Variants in FSTL5 observed in about 807,000 individuals in gnomAD.
FSTL5 encodes follistatin-related protein 5.
FSTL5 carries 62 observed loss-of-function variants against 89.1 expected under a neutral mutation model. The ratio of observed to expected loss-of-function variants is 0.70; its 90% CI spans 0.57 to 0.86. FSTL5 has a LOEUF of 0.86. Among genes scored for constraint, FSTL5 ranks in the 40% least tolerant of loss-of-function variants. The pLI, the probability that FSTL5 is intolerant of heterozygous loss-of-function variation, is 0.00. For missense variants in FSTL5, 1,057 were observed against 1,001.6 expected, an observed-to-expected ratio of 1.06 and a Z score of -0.75; for synonymous variants, 383 against 346.2, an observed-to-expected ratio of 1.11 and a Z score of -1.18.
chr4:161,926,890 A>C (rs1032256008), intron 3 of FSTL5, among the ~76,000 whole-genome samples: 77 of 152,008 alleles, frequency 5.1e-4, no homozygotes, highest in African/African-American at 1.7e-3. Context: ...TAGAAGCCAA[A>C]GAAATTTCAC....
intron 8 of FSTL5, among the ~76,000 whole-genome samples, chr4:161,570,142 A>G (rs1253417666): frequency 1.3e-5 from 2 of 152,292 alleles, no homozygotes; most frequent in East Asian, 3.9e-4. Context: ...ATTTTAGGCT[A>G]TGTGCAGTTT....
chr4:161,798,177 T>C (rs750251344), intron 4 of FSTL5, among the ~76,000 whole-genome samples: 1 of 151,740 alleles, frequency 6.6e-6, no homozygotes, highest in Non-Finnish European at 1.5e-5. Context: ...ATTTAAGAAA[T>C]GGTAGAGCTA....
In FSTL5 at chr4:161,513,272, G is replaced by GGAGAGA. The variant is rs6148753; in HGVS notation, c.1313-2854_1313-2849dup. On this transcript the variant is annotated intron_variant, in intron 10 of 15. Transcript: ENST00000306100. ...ACTGAACTGAACCAAACAAGGAGGGGGAGAGAGAGAGAGAGAGAGAGAGAG... is the reference window on the plus strand; with the variant it reads ...ACTGAACTGAACCAAACAAGGAGGGGGAGAGAGAGAGAGAGAGAGAGAGAGAGAGAG... 3.7e-3 allele frequency among the ~76,000 whole-genome samples: 411 copies of GGAGAGA among 110,012 alleles called. 22 individuals are homozygous for GGAGAGA. Among genetic ancestry groups the GGAGAGA allele is most frequent in the Middle Eastern group, 0.011 (2 of 190 alleles). 72.2% of individuals were successfully genotyped at this position (110,012 alleles called of 152,430 possible).
intron 7 of FSTL5, among the ~76,000 whole-genome samples, chr4:161,621,868 C>T (rs1735141207): frequency 6.7e-6 from 1 of 148,780 alleles, no homozygotes; most frequent in Non-Finnish European, 1.5e-5. Flanking sequence ...TGTGGTGGTG[C>T]ATGTCAATAT....
At chr4:161,908,091 G>A (rs774211243) in intron 4 of FSTL5, among the ~76,000 whole-genome samples, 3 of 151,842 alleles carry the variant, frequency 2.0e-5, no homozygotes, top group Admixed American at 6.6e-5. Flanking sequence ...CTGAATATCA[G>A]GGACCAATGC....
At chr4:162,068,065 T>C (rs775872866) in intron 2 of FSTL5, among the ~76,000 whole-genome samples, 1 of 152,104 alleles carries the variant, frequency 6.6e-6, no homozygotes, top group East Asian at 1.9e-4. Flanking sequence ...CACAAACAAA[T>C]GGAAAAACAT....
In FSTL5 at chr4:162,143,785, TAC is replaced by T. The variant is rs70946245; in HGVS notation, c.-17+19828_-17+19829del. ...AGGTTACATTGTATCTGACTTTAAA[TAC>T]ACACACACACACACACACACACACA... On this transcript the variant is annotated intron_variant, in intron 1 of 15. Transcript: ENST00000306100. Among the ~76,000 whole-genome samples, 1,152 of 138,638 alleles carry T rather than the reference TAC, an allele frequency of 8.3e-3. 10 individuals carry two copies. Among genetic ancestry groups the T allele is most frequent in the South Asian group, 0.023 (103 of 4,442 alleles). The allele number at this position is 138,638 out of a possible 152,430, so 91.0% of individuals were successfully genotyped here. A position where few individuals can be genotyped will look rare whatever the true frequency, so the allele number is the denominator to read the frequency against.
Position 161,920,776 on chromosome 4 carries a change from A to C in FSTL5, c.161-124T>G, listed in dbSNP as rs571275926. The C allele has an allele frequency of 2.8e-4, 236 of 851,898 alleles. 4 individuals carry two copies. The highest frequency in any genetic ancestry group is 2.6e-3 in the South Asian group (137 of 53,442). 52.8% of individuals were successfully genotyped at this position (851,898 alleles called of 1,614,324 possible). On this transcript the variant is annotated intron_variant, in intron 3 of 15. Transcript: ENST00000306100. ...GTATAGTATAGTGTATTCAGGGCTC[A>C]ATTTTCAGTGGTGGACATGCTTATA...
chr4:161,860,642 T>C (rs574089730), intron 4 of FSTL5, among the ~76,000 whole-genome samples: 4 of 152,308 alleles, frequency 2.6e-5, no homozygotes, highest in African/African-American at 4.8e-5. Context: ...TAAAAATTAA[T>C]CTAACCATTT....
At chr4:161,486,240 C>T (rs536581722) in intron 12 of FSTL5, among the ~76,000 whole-genome samples, 1 of 151,774 alleles carries the variant, frequency 6.6e-6, no homozygotes, top group African/African-American at 2.4e-5. Flanking sequence ...CAAACTGTCG[C>T]TGGTATTATG....
At chr4:161,836,277 G>C (rs1579128702) in intron 4 of FSTL5, among the ~76,000 whole-genome samples, 2 of 138,584 alleles carry the variant, frequency 1.4e-5, no homozygotes, top group Non-Finnish European at 3.0e-5. Context: ...ACACAGGAAG[G>C]GGAACATCAC....
intron 4 of FSTL5, among the ~76,000 whole-genome samples, chr4:161,786,473 C>A (rs909087505): frequency 6.6e-6 from 1 of 152,066 alleles, no homozygotes; most frequent in Non-Finnish European, 1.5e-5. Flanking sequence ...GCACAGTCAA[C>A]CTTTGAGAGA....
chr4:161,435,342 T>C (rs1732521838), intron 15 of FSTL5, among the ~76,000 whole-genome samples: 1 of 152,132 alleles, frequency 6.6e-6, no homozygotes, highest in Non-Finnish European at 1.5e-5. Context: ...CATCACATGT[T>C]CTCATTTATT....
chr4:161,668,010 AAAAG>A (rs1736961103), intron 6 of FSTL5, among the ~76,000 whole-genome samples: 1 of 152,124 alleles, frequency 6.6e-6, no homozygotes, highest in South Asian at 2.1e-4. Flanking sequence ...TATGCAGGGT[AAAAG>A]AAAGAATGAA....
chr4:161,478,517 C>T, intron 13 of FSTL5, among the ~76,000 whole-genome samples: 1 of 152,060 alleles, frequency 6.6e-6, no homozygotes, highest in African/African-American at 2.4e-5. Context: ...GCATCACAAC[C>T]TTCTTGTACT....
At chr4:161,546,595 T>C (rs1025049325) in intron 8 of FSTL5, among the ~76,000 whole-genome samples, 2 of 151,850 alleles carry the variant, frequency 1.3e-5, no homozygotes, top group Non-Finnish European at 2.9e-5. Context: ...TAGACAGCTT[T>C]ATGCCAACAC....
At chr4:162,099,883 T>C (rs556272320) in intron 2 of FSTL5, among the ~76,000 whole-genome samples, 2 of 152,294 alleles carry the variant, frequency 1.3e-5, no homozygotes, top group African/African-American at 4.8e-5. Flanking sequence ...GCGTCCACTA[T>C]TTGGACAGCC....
At chr4:161,564,887 A>G (rs920728712) in intron 8 of FSTL5, among the ~76,000 whole-genome samples, 16 of 151,896 alleles carry the variant, frequency 1.1e-4, no homozygotes, top group African/African-American at 3.9e-4. Context: ...GAAACTTCCA[A>G]TTCAATAGCA....
intron 1 of FSTL5, among the ~76,000 whole-genome samples, chr4:162,142,692 A>G (rs1285365803): frequency 6.6e-6 from 1 of 152,194 alleles, no homozygotes. Flanking sequence ...CTAAGAGAAG[A>G]TATAATATAG....
Sources: allele counts gnomAD v4.1 joint callset (sites outside exome capture counted in the v4.1 genomes callset), GRCh38; gene constraint gnomAD v4.1.1; transcripts MANE v1.5; gene names NCBI Gene and HGNC (gene_info 2026-07-23, HGNC 2026-07-21).